The following MYO5B variants were observed in gnomAD, a reference collection of about 807,000 sequenced individuals.
The protein encoded by MYO5B is myosin VB, also known as unconventional myosin-Vb.
Under a neutral mutation model 229.3 loss-of-function variants are expected in MYO5B, and 143 were observed. That is an observed-to-expected ratio of 0.62 (90% CI 0.54 to 0.72). The LOEUF (loss-of-function observed/expected upper bound fraction) is 0.72. MYO5B is among the 30% of genes least tolerant of loss of function. The pLI, the probability that MYO5B is intolerant of heterozygous loss-of-function variation, is 0.00. For missense variants in MYO5B, 2,321 were observed against 2,331.0 expected, an observed-to-expected ratio of 1.00 and a Z score of 0.09; for synonymous variants, 918 against 885.2, an observed-to-expected ratio of 1.04 and a Z score of -0.66.
chr18:50,191,058 G>A (rs539946624), intron 1 of MYO5B, among the ~76,000 whole-genome samples: 1 of 152,324 alleles, frequency 6.6e-6, no homozygotes, highest in South Asian at 2.1e-4. Flanking sequence ...GAAACAAAGT[G>A]AATCTGAGTA....
intron 31 of MYO5B, chr18:49,850,311 G>A (rs2024184568): frequency 6.4e-6 from 1 of 155,942 alleles, no homozygotes; most frequent in Non-Finnish European, 1.4e-5. Flanking sequence ...CACCACTAGA[G>A]CCGGCTTCGG....
chr18:50,043,416 T>TATTTAAATATATTAAATATTAAATA (rs2030104535), intron 2 of MYO5B, among the ~76,000 whole-genome samples: 2 of 31,170 alleles, frequency 6.4e-5, no homozygotes, highest in Non-Finnish European at 1.2e-4. Context: ...ATATTAAATA[T>TATTTAAATATATTAAATATTAAATA]TTAAATATAT....
intron 1 of MYO5B, among the ~76,000 whole-genome samples, chr18:50,075,945 A>G (rs1418220914): frequency 6.6e-6 from 1 of 152,210 alleles, no homozygotes; most frequent in Non-Finnish European, 1.5e-5. Context: ...CTGCAGAATG[A>G]TCAGAAGGGC....
intron 1 of MYO5B, among the ~76,000 whole-genome samples, chr18:50,073,260 C>T (rs951761872): frequency 2.0e-5 from 3 of 152,144 alleles, no homozygotes; most frequent in Non-Finnish European, 4.4e-5. Context: ...ATGAGGCATA[C>T]CAGCAAATAA....
intron 20 of MYO5B, among the ~76,000 whole-genome samples, chr18:49,903,885 G>A (rs960226177): frequency 2.0e-5 from 3 of 152,196 alleles, no homozygotes; most frequent in Admixed American, 1.3e-4. Context: ...GGAAGAGGTC[G>A]GGGCCTCCCT....
At chr18:49,954,955 C>A (rs917649039) in intron 12 of MYO5B, among the ~76,000 whole-genome samples, 1 of 152,234 alleles carries the variant, frequency 6.6e-6, no homozygotes, top group African/African-American at 2.4e-5. Flanking sequence ...GATCTCACTT[C>A]CCTCTTCTTT....
At chr18:50,128,292 A>G (rs770487664) in intron 1 of MYO5B, among the ~76,000 whole-genome samples, 13 of 152,212 alleles carry the variant, frequency 8.5e-5, no homozygotes, top group Non-Finnish European at 1.8e-4. Flanking sequence ...TAGGAAGGCC[A>G]TGAGAAAATG....
At chr18:50,034,788 G>C (rs1272537513) in intron 4 of MYO5B, among the ~76,000 whole-genome samples, 1 of 151,930 alleles carries the variant, frequency 6.6e-6, no homozygotes, top group East Asian at 1.9e-4. Context: ...AAACAAAAAA[G>C]CTCTCCCCTG....
At chr18:49,972,605 G>C (rs2025703274) in intron 10 of MYO5B, among the ~76,000 whole-genome samples, 1 of 152,170 alleles carries the variant, frequency 6.6e-6, no homozygotes. Flanking sequence ...GGGTCAGCTT[G>C]GGTTTCCCCA....
At chr18:49,938,858 GC>G (rs2025280400) in intron 14 of MYO5B, among the ~76,000 whole-genome samples, 1 of 151,898 alleles carries the variant, frequency 6.6e-6, no homozygotes, top group Admixed American at 6.6e-5. Flanking sequence ...TCAAGGTTGA[GC>G]CCTGCCCCTC....
chr18:49,908,568 C>T (rs2024925212), intron 18 of MYO5B, among the ~76,000 whole-genome samples: 2 of 152,320 alleles, frequency 1.3e-5, no homozygotes, highest in Non-Finnish European at 2.9e-5. Context: ...CATCCCCTTT[C>T]GTGACACTGT....
At chr18:50,181,835 T>C (rs1159217310) in intron 1 of MYO5B, among the ~76,000 whole-genome samples, 1 of 152,218 alleles carries the variant, frequency 6.6e-6, no homozygotes, top group Non-Finnish European at 1.5e-5. Context: ...AAAGAAACAT[T>C]AGTTTCTGGC....
intron 30 of MYO5B, among the ~76,000 whole-genome samples, chr18:49,856,307 G>C (rs1568612001): frequency 1.3e-5 from 2 of 152,212 alleles, no homozygotes; most frequent in African/African-American, 4.8e-5. Context: ...ATCAGCTCCA[G>C]GGAGTCCCGG....
At chr18:49,952,281 C>G (rs2025438467) in intron 14 of MYO5B, among the ~76,000 whole-genome samples, 1 of 152,188 alleles carries the variant, frequency 6.6e-6, no homozygotes, top group Non-Finnish European at 1.5e-5. Context: ...TTATCAGGCC[C>G]CTGCAGTGAG....
intron 1 of MYO5B, among the ~76,000 whole-genome samples, chr18:50,141,150 G>C (rs1472718595): frequency 6.6e-6 from 1 of 152,148 alleles, no homozygotes; most frequent in Non-Finnish European, 1.5e-5. Flanking sequence ...CTGAGGACTA[G>C]CTAAAAAAGG....
intron 12 of MYO5B, among the ~76,000 whole-genome samples, chr18:49,956,086 A>G (rs1167699029): frequency 6.6e-6 from 1 of 150,390 alleles, no homozygotes; most frequent in African/African-American, 2.5e-5. Context: ...GGAAACCAAC[A>G]ACCAAGGTCA....
At chr18:49,879,537 C>G in intron 23 of MYO5B, 1 of 212,006 alleles carries the variant, frequency 4.7e-6, no homozygotes, top group Non-Finnish European at 9.6e-6. Flanking sequence ...GGGCTACTTC[C>G]CTGCCAAAAC....
intron 1 of MYO5B, among the ~76,000 whole-genome samples, chr18:50,143,297 T>C (rs2032445949): frequency 6.6e-6 from 1 of 152,150 alleles, no homozygotes; most frequent in Non-Finnish European, 1.5e-5. Context: ...TGTTATCTGT[T>C]TGAAAAACAT....
At chr18:50,166,994 A>G (rs1382897279) in intron 1 of MYO5B, among the ~76,000 whole-genome samples, 1 of 152,216 alleles carries the variant, frequency 6.6e-6, no homozygotes, top group East Asian at 1.9e-4. Context: ...GTGAATATAA[A>G]AGACGCCTGG....
Sources: gnomAD v4.1 joint callset for allele counts (sites outside exome capture counted in the v4.1 genomes callset) on GRCh38, gnomAD v4.1.1 for gene constraint, MANE v1.5 for transcripts, NCBI Gene and HGNC (gene_info 2026-07-23, HGNC 2026-07-21) for gene names.